The following FAT3 variants were observed in gnomAD, a reference collection of about 807,000 sequenced individuals.
FAT3 encodes the protein protocadherin Fat 3.
In FAT3, 95 loss-of-function variants were observed where a neutral mutation model predicts 310.2. That is an observed-to-expected ratio of 0.31 (90% CI 0.26 to 0.36). FAT3 has a LOEUF of 0.36. Among genes scored for constraint, FAT3 ranks in the 10% least tolerant of loss-of-function variants. The probability of loss-of-function intolerance (pLI) is 1.00; values close to 1 mark genes in which losing one functional copy is unlikely to be tolerated. For missense variants in FAT3, 5,408 were observed against 5,715.6 expected, an observed-to-expected ratio of 0.95 and a Z score of 1.74; for synonymous variants, 2,314 against 2,192.9, an observed-to-expected ratio of 1.06 and a Z score of -1.54.
At chr11:92,526,285 T>C (rs978664562) in intron 3 of FAT3, among the ~76,000 whole-genome samples, 1 of 152,050 alleles carries the variant, frequency 6.6e-6, no homozygotes, top group Non-Finnish European at 1.5e-5. Context: ...CACAGAGAAA[T>C]GAATTCAATC....
At chr11:92,565,102 G>T (rs1267409034) in intron 3 of FAT3, among the ~76,000 whole-genome samples, 1 of 138,472 alleles carries the variant, frequency 7.2e-6, no homozygotes, top group East Asian at 2.2e-4. Flanking sequence ...CCAGGAGCTG[G>T]TTTTTTGAAA....
chr11:92,479,856 A>G (rs1212935690), intron 2 of FAT3, among the ~76,000 whole-genome samples: 1 of 152,120 alleles, frequency 6.6e-6, no homozygotes, highest in Non-Finnish European at 1.5e-5. Flanking sequence ...TGTATACATG[A>G]CTAATAAACT....
At chr11:92,829,810 C>T (rs1027925739) in intron 13 of FAT3, among the ~76,000 whole-genome samples, 7 of 152,142 alleles carry the variant, frequency 4.6e-5, no homozygotes, top group African/African-American at 1.4e-4. Flanking sequence ...AAAATGGACT[C>T]TCTGGAATGG....
chr11:92,293,070 AAGGAAG>A (rs1946737733), intron 1 of FAT3, among the ~76,000 whole-genome samples: 1 of 137,226 alleles, frequency 7.3e-6, no homozygotes, highest in Non-Finnish European at 1.6e-5. Flanking sequence ...GGAAGGAAGG[AAGGAAG>A]GAAAGAAGGA....
At chr11:92,723,310 A>G (rs1944915347) in intron 4 of FAT3, among the ~76,000 whole-genome samples, 1 of 152,214 alleles carries the variant, frequency 6.6e-6, no homozygotes, top group African/African-American at 2.4e-5. Flanking sequence ...TTGCTAAAAC[A>G]TAACAAGAGT....
At chr11:92,716,157 G>A (rs1247275027) in intron 4 of FAT3, among the ~76,000 whole-genome samples, 3 of 152,118 alleles carry the variant, frequency 2.0e-5, no homozygotes, top group Non-Finnish European at 2.9e-5. Flanking sequence ...TGCAGGTAGT[G>A]GTAGCAGTAA....
At chr11:92,527,588 C>T (rs376365011) in intron 3 of FAT3, among the ~76,000 whole-genome samples, 60 of 152,110 alleles carry the variant, frequency 3.9e-4, no homozygotes, top group African/African-American at 1.4e-3. Context: ...TCATGTTATG[C>T]CTATTTCTAA....
At chr11:92,227,108 G>C (rs11601206) in intron 1 of FAT3, among the ~76,000 whole-genome samples, 44,419 of 152,150 alleles carry the variant, frequency 0.29, 6,978 homozygotes, top group Admixed American at 0.45. Flanking sequence ...GGCTTGAGCG[G>C]CTGGGGTTCC....
intron 3 of FAT3, among the ~76,000 whole-genome samples, chr11:92,562,198 G>C (rs1228946794): frequency 6.6e-6 from 1 of 151,986 alleles, no homozygotes; most frequent in African/African-American, 2.4e-5. Context: ...CAGTACTTGG[G>C]TGTTTATATT....
At position 92,353,083 on chromosome 11, in the gene FAT3, A is replaced by G. The variant is rs753033417; in HGVS notation, c.971A>G (p.Tyr324Cys). The change falls in exon 2 of 28, where the codon TAC becomes TGC. Residue 324 changes from tyrosine to cysteine, a missense_variant. Transcript: ENST00000525166. ...LAKEGKWLNE[Y>C]KIKERKQIDW... is the part of the protein sequence containing the mutation. Reference sequence around the variant, plus strand: ...AAGGAAGGAAAGTGGTTGAATGAGTACAAGATTAAGGAGAGGAAGCAGATT... The same window carrying G: ...AAGGAAGGAAAGTGGTTGAATGAGTGCAAGATTAAGGAGAGGAAGCAGATT... 1.2e-6 allele frequency: 2 copies of G among 1,613,712 alleles called. No individual in the cohort carries two copies. The highest frequency in any genetic ancestry group is 2.2e-5 in the East Asian group (1 of 44,854).
At chr11:92,523,398 C>A (rs1389494947) in intron 2 of FAT3, among the ~76,000 whole-genome samples, 1 of 152,160 alleles carries the variant, frequency 6.6e-6, no homozygotes, top group Non-Finnish European at 1.5e-5. Flanking sequence ...ATTTCAACAT[C>A]AATCCGGTTA....
chr11:92,706,594 A>AT (rs1036049486), intron 4 of FAT3, among the ~76,000 whole-genome samples: 2 of 152,096 alleles, frequency 1.3e-5, no homozygotes, highest in East Asian at 3.9e-4. Flanking sequence ...CAACTCCATC[A>AT]TTTTTTTTAA....
intron 22 of FAT3, among the ~76,000 whole-genome samples, chr11:92,877,670 C>T (rs7951616): frequency 0.68 from 103,165 of 151,974 alleles, 35,252 homozygotes; most frequent in Middle Eastern, 0.79. Context: ...TTAATGTGCT[C>T]AGAGCTTCTC....
intron 4 of FAT3, 36 bp downstream of exon 4, chr11:92,697,481 T>C: frequency 6.3e-7 from 1 of 1,597,982 alleles, no homozygotes; most frequent in Non-Finnish European, 8.6e-7. Context: ...TCATTAAAAC[T>C]GACTTTCACT....
chr11:92,645,023 A>G (rs1942098200), intron 3 of FAT3, among the ~76,000 whole-genome samples: 1 of 149,600 alleles, frequency 6.7e-6, no homozygotes, highest in South Asian at 2.1e-4. Flanking sequence ...AGAGTGAGCC[A>G]TTTTTTCCAA....
At chr11:92,570,831 G>T (rs1005763244) in intron 3 of FAT3, among the ~76,000 whole-genome samples, 4 of 152,120 alleles carry the variant, frequency 2.6e-5, no homozygotes, top group African/African-American at 9.7e-5. Flanking sequence ...TTAGTAGCTT[G>T]TGGAACTAAA....
intron 2 of FAT3, among the ~76,000 whole-genome samples, chr11:92,451,383 C>A (rs1003968771): frequency 1.1e-4 from 17 of 152,094 alleles, no homozygotes; most frequent in African/African-American, 3.4e-4. Context: ...TTCCCTTGAG[C>A]GAGTGTTATT....
intron 1 of FAT3, among the ~76,000 whole-genome samples, chr11:92,267,125 T>C (rs1228734697): frequency 1.3e-5 from 2 of 152,050 alleles, no homozygotes; most frequent in Non-Finnish European, 2.9e-5. Context: ...AACTCGCTTA[T>C]TGAAAATGCT....
rs79046066 is a variant in FAT3 at position 92,300,631 on chromosome 11, A to G, written c.-17-51465A>G. Among the ~76,000 whole-genome samples, 679 of 152,264 alleles carry G rather than the reference A, an allele frequency of 4.5e-3. 3 individuals are homozygous for G. Among genetic ancestry groups the G allele is most frequent in the Middle Eastern group, 0.014 (4 of 294 alleles). ...TAAGTCTCTCTTGATCAGTTTGTCA[A>G]GGTATGCTGTCTTCATGGCATATGT... On this transcript the variant is annotated intron_variant, in intron 1 of 27. Coordinates refer to ENST00000525166, the MANE Select transcript of FAT3 (RefSeq NM_001367949.2).
Sources: allele counts gnomAD v4.1 joint callset (sites outside exome capture counted in the v4.1 genomes callset), GRCh38; gene constraint gnomAD v4.1.1; transcripts MANE v1.5; gene names NCBI Gene and HGNC (gene_info 2026-07-23, HGNC 2026-07-21).